CLDN10: variants seen among roughly 807,000 people sequenced by gnomAD.
CLDN10 encodes claudin-10.
A neutral mutation model predicts 22.9 loss-of-function variants in CLDN10; 15 were observed. The ratio of observed to expected loss-of-function variants is 0.65; its 90% CI spans 0.44 to 1.01. The LOEUF is 1.01. Among genes scored for constraint, CLDN10 ranks in the 50% least tolerant of loss-of-function variants. The probability of loss-of-function intolerance (pLI) is 0.00; values close to 1 mark genes in which losing one functional copy is unlikely to be tolerated. For missense variants in CLDN10, 247 were observed against 287.8 expected (o/e 0.86, Z 1.03); for synonymous variants, 114 against 111.4 (o/e 1.02, Z -0.15).
chr13:95,467,455 T>C (rs2042591411), intron 1 of CLDN10, among the ~76,000 whole-genome samples: 1 of 152,168 alleles, frequency 6.6e-6, no homozygotes, highest in South Asian at 2.1e-4. Flanking sequence ...CTAAGGCTCT[T>C]CCATTGCATT....
rs200488118 is a variant in CLDN10, at chr13:95,511,340, G to GA, written c.215-48785dup. On this transcript the variant is annotated intron_variant, in intron 1 of 4. Coordinates refer to the CLDN10 transcript ENST00000376873. ...ATGGCAGAGAACAAAAAAGGAAAGA[G>GA]AAAAAAACCCTAAATCCTTGTTCTG... Among the ~76,000 whole-genome samples, 8 of 151,954 alleles carry GA rather than the reference G, an allele frequency of 5.3e-5. No homozygotes were observed. The East Asian group carries it at 1.2e-3, about 22-fold the overall frequency.
chr13:95,534,021 C>T (rs1459360657), intron 1 of CLDN10: 2 of 152,180 alleles, frequency 1.3e-5, no homozygotes, highest in Non-Finnish European at 2.9e-5. Flanking sequence ...CTTTGTTATA[C>T]AGTTTCAGAG....
At chr13:95,506,647 AC>A (rs1202755427) in intron 1 of CLDN10, among the ~76,000 whole-genome samples, 3 of 152,160 alleles carry the variant, frequency 2.0e-5, no homozygotes, top group Non-Finnish European at 4.4e-5. Flanking sequence ...AGTCAGGACA[AC>A]AGTTGGTGAA....
chr13:95,569,888 T>C (rs2043833227), intron 3 of CLDN10, among the ~76,000 whole-genome samples: 2 of 152,046 alleles, frequency 1.3e-5, no homozygotes, highest in Non-Finnish European at 2.9e-5. Context: ...CCTGCCTCAG[T>C]CTCCCAAGTA....
At chr13:95,553,628 G>A (rs1384580404) in intron 1 of CLDN10, among the ~76,000 whole-genome samples, 4 of 152,268 alleles carry the variant, frequency 2.6e-5, no homozygotes, top group African/African-American at 7.2e-5. Context: ...AGCCCTTGCG[G>A]TGCCGCGATG....
chr13:95,460,517 G>C (rs974597126), intron 1 of CLDN10, among the ~76,000 whole-genome samples: 1 of 152,126 alleles, frequency 6.6e-6, no homozygotes, highest in South Asian at 2.1e-4. Flanking sequence ...AAAAAGGAAA[G>C]AGCCCCTTAT....
chr13:95,463,612 C>G (rs899660882), intron 1 of CLDN10, among the ~76,000 whole-genome samples: 1 of 151,948 alleles, frequency 6.6e-6, no homozygotes, highest in Non-Finnish European at 1.5e-5. Flanking sequence ...GAATTACAGG[C>G]ATGAGCCACT....
rs150191933 is a variant in CLDN10, at chr13:95,433,861, G to T, written c.28G>T (p.Val10Leu). The change falls in exon 1 of 5, where the codon GTG (valine) becomes TTG (leucine). Residue 10 changes from valine (V) to leucine (L), a missense_variant. By Grantham distance (32) the Val-to-Leu change is conservative. Transcript: ENST00000376873. ...GTCCAGGGCGCAGATCTGGGCTCTG[G>T]TGTCTGGTGTCGGAGGGTTTGGAGC... 6 of 1,614,060 alleles carry T rather than the reference G, an allele frequency of 3.7e-6. No homozygotes were observed. In the African/African-American group the frequency reaches 8.0e-5, roughly 22 times the overall value.
chr13:95,464,033 T>C (rs1011354493), intron 1 of CLDN10, among the ~76,000 whole-genome samples: 2 of 152,034 alleles, frequency 1.3e-5, no homozygotes, highest in African/African-American at 2.4e-5. Context: ...AGCTGTCTAA[T>C]CTAACATTTA....
intron 1 of CLDN10, among the ~76,000 whole-genome samples, chr13:95,509,933 G>A (rs1462450563): frequency 1.3e-5 from 2 of 152,214 alleles, no homozygotes; most frequent in Non-Finnish European, 2.9e-5. Flanking sequence ...ACATTTAAAA[G>A]GTGGTGGGTA....
intron 1 of CLDN10, among the ~76,000 whole-genome samples, chr13:95,536,288 A>G (rs1165183199): frequency 2.6e-5 from 4 of 151,980 alleles, no homozygotes; most frequent in Non-Finnish European, 5.9e-5. Context: ...CATCTCTACT[A>G]AAAATACAAA....
At chr13:95,494,443 C>G (rs2042907039) in intron 1 of CLDN10, among the ~76,000 whole-genome samples, 1 of 152,130 alleles carries the variant, frequency 6.6e-6, no homozygotes, top group African/African-American at 2.4e-5. Context: ...CATCCCAATT[C>G]TAAGGGATAA....
chr13:95,550,202 T>C (rs1371862996), upstream of CLDN10, among the ~76,000 whole-genome samples: 1 of 152,256 alleles, frequency 6.6e-6, no homozygotes, highest in Non-Finnish European at 1.5e-5. Context: ...AACGGTAATC[T>C]GGGCTTATGG....
Position 95,444,955 on chromosome 13 carries a change from T to C in CLDN10, c.214+10908T>C, listed in dbSNP as rs145423082. ...CATTCCTGGCTAATTTTTGTATTTT[T>C]AGTAGAGACAGCGTTTTACCATGTT... On this transcript the variant is annotated intron_variant, in intron 1 of 4. Coordinates refer to the CLDN10 transcript ENST00000376873. 2.4e-4 allele frequency among the ~76,000 whole-genome samples: 37 copies of C among 152,320 alleles called. No homozygotes were observed. In the East Asian group the frequency reaches 5.8e-3, roughly 24 times the overall value.
intron 1 of CLDN10, among the ~76,000 whole-genome samples, chr13:95,499,783 G>T (rs949124639): frequency 6.6e-6 from 1 of 152,178 alleles, no homozygotes; most frequent in South Asian, 2.1e-4. Flanking sequence ...AGCCTGACAC[G>T]TTGGGAAGGG....
In CLDN10 at chr13:95,531,113, T is replaced by A. The variant is rs576835721; in HGVS notation, c.215-29019T>A. On this transcript the variant is annotated intron_variant, in intron 1 of 4. Coordinates refer to the CLDN10 transcript ENST00000376873. ...TTTTGTATTTTTAGTAAAGACGGGG[T>A]TTCACCATGTTAGCCAGGATGGTCT... Among the ~76,000 whole-genome samples the A allele has an allele frequency of 2.0e-5, 3 of 152,180 alleles. No homozygotes were observed. The East Asian group carries it at 5.8e-4, about 29-fold the overall frequency.
At chr13:95,480,076 C>CAAA (rs1566292045) in intron 1 of CLDN10, 2 of 152,162 alleles carry the variant, frequency 1.3e-5, no homozygotes, top group Admixed American at 6.5e-5. Flanking sequence ...GAAGGAGGAA[C>CAAA]GTCACATCCT....
At chr13:95,560,085 G>A (rs1164116948) in intron 1 of CLDN10, 47 bp from the exon 2 acceptor site, 6 of 1,527,344 alleles carry the variant, frequency 3.9e-6, no homozygotes, top group Non-Finnish European at 5.4e-6. Context: ...TTTCTCCCTG[G>A]ACAGCCACAT....
At chr13:95,551,818 A>G (rs949138234), upstream of CLDN10, among the ~76,000 whole-genome samples, 1 of 152,174 alleles carries the variant, frequency 6.6e-6, no homozygotes, top group East Asian at 1.9e-4. Flanking sequence ...TTACCTTGAG[A>G]CAGCAATGAA....
Sources: allele counts gnomAD v4.1 joint callset (sites outside exome capture counted in the v4.1 genomes callset), GRCh38; gene constraint gnomAD v4.1.1; transcripts MANE v1.5; gene names NCBI Gene and HGNC (gene_info 2026-07-23, HGNC 2026-07-21).